The following KIF25 variants were observed in gnomAD, a reference collection of about 807,000 sequenced individuals.
The protein encoded by KIF25 is kinesin-like protein KIF25.
Under a neutral mutation model 32.9 loss-of-function variants are expected in KIF25, and 19 were observed. That is an observed-to-expected ratio of 0.58 (90% CI 0.40 to 0.85). The LOEUF is 0.85. Ranked by LOEUF, KIF25 falls within the 40% of genes least tolerant of loss-of-function variation. The probability of loss-of-function intolerance (pLI) is 0.00; values close to 1 mark genes in which losing one functional copy is unlikely to be tolerated. For missense variants in KIF25, 485 were observed against 507.0 expected (o/e 0.96, Z 0.42); for synonymous variants, 225 against 213.7 (o/e 1.05, Z -0.46).
At chr6:168,006,939 T>C (rs1798587972) in intron 4 of KIF25, among the ~76,000 whole-genome samples, 1 of 152,248 alleles carries the variant, frequency 6.6e-6, no homozygotes. Context: ...GCTCTTACTA[T>C]GTCCCCAGAA....
rs373391969 is a variant in KIF25, at chr6:168,000,246, G to A, written c.-370+926G>A. On this transcript the variant is annotated intron_variant, in intron 2 of 12. Coordinates refer to ENST00000643607, the MANE Select transcript of KIF25 (RefSeq NM_030615.4). ...ACCTGCCCCTCCCCACTCCCATCCC[G>A]ACCACGCCTGACCTTCTCGCCCTCC... Among the ~76,000 whole-genome samples, 330 of 76,620 alleles carry A rather than the reference G, an allele frequency of 4.3e-3. 3 individuals carry two copies. Among genetic ancestry groups the A allele is most frequent in the African/African-American group, 0.017 (308 of 18,352 alleles). The allele number at this position is 76,620 out of a possible 152,430, so 50.3% of individuals were successfully genotyped here.
chr6:168,015,508 TG>T (rs1460279853), intron 4 of KIF25, among the ~76,000 whole-genome samples: 3 of 152,196 alleles, frequency 2.0e-5, no homozygotes, highest in Non-Finnish European at 4.4e-5. Context: ...ATGGGAACCT[TG>T]TGATTCCAGA....
Position 168,038,663 on chromosome 6 carries a change from C to G in KIF25, c.428C>G (p.Ser143Trp). The change falls in exon 9 of 13, where the codon TCG (serine) becomes TGG (tryptophan). Residue 143 changes from serine (S) to tryptophan (W), a missense_variant. Coordinates refer to ENST00000643607, the MANE Select transcript of KIF25 (RefSeq NM_030615.4). ...LLAKDSIAAVSGVKREVVTAK... is the reference protein window; with the variant it reads ...LLAKDSIAAVWGVKREVVTAK... ...GCCAAAGACAGCATTGCAGCAGTGT[C>G]GGGGGTCAAGCGTGAGGTGGTGACA... is the stretch of plus-strand genomic sequence containing the variant. The G allele has an allele frequency of 6.2e-7, 1 of 1,614,116 alleles. No individual in the cohort carries two copies. Among genetic ancestry groups the G allele is most frequent in the Non-Finnish European group, 8.5e-7 (1 of 1,180,014 alleles).
At chr6:168,018,793 C>G (rs889274670) in intron 5 of KIF25, among the ~76,000 whole-genome samples, 1 of 152,210 alleles carries the variant, frequency 6.6e-6, no homozygotes, top group Admixed American at 6.5e-5. Context: ...CTCGGAAGGA[C>G]GTCAGTGCCT....
intron 8 of KIF25, among the ~76,000 whole-genome samples, chr6:168,034,779 C>T (rs1242085363): frequency 3.9e-5 from 6 of 152,162 alleles, no homozygotes; most frequent in Admixed American, 3.9e-4. Flanking sequence ...GCTCCCGACC[C>T]GTTAGCACAT....
intron 5 of KIF25, among the ~76,000 whole-genome samples, chr6:168,020,448 T>A (rs1351428440): frequency 1.3e-5 from 2 of 151,820 alleles, no homozygotes; most frequent in Non-Finnish European, 1.5e-5. Flanking sequence ...TGTGGGCATA[T>A]GCAAAAGACG....
chr6:168,025,805 A>C (rs141348969), intron 5 of KIF25, among the ~76,000 whole-genome samples: 2 of 152,326 alleles, frequency 1.3e-5, no homozygotes, highest in East Asian at 3.9e-4. Flanking sequence ...TTAAAGTATG[A>C]TCCTTTCCCC....
At chr6:168,004,111 G>C (rs117750602) in intron 4 of KIF25, among the ~76,000 whole-genome samples, 1 of 152,186 alleles carries the variant, frequency 6.6e-6, no homozygotes, top group Non-Finnish European at 1.5e-5. Context: ...CGAAAAGGCC[G>C]AGAAGTCAGA....
At chr6:168,040,868 G>A (rs1583147159) in intron 10 of KIF25, among the ~76,000 whole-genome samples, 1 of 152,236 alleles carries the variant, frequency 6.6e-6, no homozygotes. Context: ...AAACTATGTA[G>A]TATATAAAAT....
At chr6:168,042,339 G>C (rs959428235) in intron 11 of KIF25, among the ~76,000 whole-genome samples, 188 bp downstream of exon 11, 3 of 152,168 alleles carry the variant, frequency 2.0e-5, no homozygotes, top group African/African-American at 7.2e-5. Flanking sequence ...CCCGAGAGTC[G>C]TGTTCCTCAC....
chr6:168,039,311 C>T (rs1489285946), intron 9 of KIF25, among the ~76,000 whole-genome samples: 1 of 152,198 alleles, frequency 6.6e-6, no homozygotes, highest in African/African-American at 2.4e-5. Flanking sequence ...TTGTAAATAT[C>T]AGTATTTCAC....
At chr6:168,037,701 A>C (rs1160562769) in intron 8 of KIF25, among the ~76,000 whole-genome samples, 1 of 151,974 alleles carries the variant, frequency 6.6e-6, no homozygotes, top group African/African-American at 2.4e-5. Flanking sequence ...CATTCCTACA[A>C]GCCAGTGCAT....
intron 4 of KIF25, among the ~76,000 whole-genome samples, chr6:168,007,623 G>T (rs951727504): frequency 6.6e-6 from 1 of 152,194 alleles, no homozygotes; most frequent in East Asian, 1.9e-4. Context: ...TAAGCTGGCC[G>T]AAAATAGCTG....
intron 8 of KIF25, among the ~76,000 whole-genome samples, chr6:168,035,462 G>GGGGGGGGCGGGAACGGCGCTGCGGGGC (rs1799007152): frequency 1.8e-5 from 2 of 112,224 alleles, no homozygotes; most frequent in Non-Finnish European, 3.5e-5. Flanking sequence ...ACGGCGCTGC[G>GGGGGGGGCGGGAACGGCGCTGCGGGGC]GGGGGGGCGG....
At chr6:168,016,405 G>A (rs187772458) in intron 4 of KIF25, among the ~76,000 whole-genome samples, 1 of 152,378 alleles carries the variant, frequency 6.6e-6, no homozygotes, top group East Asian at 1.9e-4. Flanking sequence ...CCTGGTGGTC[G>A]TTTCTGTGCT....
At chr6:168,009,569 G>A (rs888631040) in intron 4 of KIF25, among the ~76,000 whole-genome samples, 13 of 152,046 alleles carry the variant, frequency 8.6e-5, no homozygotes, top group African/African-American at 2.2e-4. Flanking sequence ...TTGGTATCCC[G>A]GTTATGCTGG....
At chr6:168,004,178 G>A (rs1174251609) in intron 4 of KIF25, among the ~76,000 whole-genome samples, 1 of 152,182 alleles carries the variant, frequency 6.6e-6, no homozygotes, top group Non-Finnish European at 1.5e-5. Flanking sequence ...CAGGAGAAAA[G>A]CTCATTTGAC....
intron 4 of KIF25, among the ~76,000 whole-genome samples, chr6:168,013,430 C>T (rs532408209): frequency 2.6e-5 from 4 of 152,104 alleles, no homozygotes; most frequent in African/African-American, 9.6e-5. Flanking sequence ...GAAGATGGAG[C>T]TCCAAGGCTG....
At chr6:168,033,685 G>C (rs1277570619) in intron 7 of KIF25, among the ~76,000 whole-genome samples, 197 bp from the exon 8 acceptor site, 3 of 152,012 alleles carry the variant, frequency 2.0e-5, no homozygotes, top group Non-Finnish European at 4.4e-5. Flanking sequence ...ATCCAATGTC[G>C]TACAACAAGA....
Sources: allele counts gnomAD v4.1 joint callset (sites outside exome capture counted in the v4.1 genomes callset), GRCh38; gene constraint gnomAD v4.1.1; transcripts MANE v1.5; gene names NCBI Gene and HGNC (gene_info 2026-07-23, HGNC 2026-07-21).